Variants in IL1RAPL2 observed in about 807,000 individuals in gnomAD.
IL1RAPL2 encodes the protein interleukin 1 receptor accessory protein like 2.
Under a neutral mutation model 44.1 loss-of-function variants are expected in IL1RAPL2, and 3 were observed. The observed-to-expected ratio is 0.07, with a 90% CI of 0.03 to 0.18. The LOEUF is 0.18. Ranked by LOEUF, IL1RAPL2 falls within the 10% of genes least tolerant of loss-of-function variation. IL1RAPL2 has a pLI of 1.00. For synonymous variants in IL1RAPL2, 181 were observed against 178.8 expected (o/e 1.01, Z -0.10); for missense variants, 391 against 496.4 (o/e 0.79, Z 2.02).
chrX:104,851,768 G>C (rs1165486225), intron 2 of IL1RAPL2, among the ~76,000 whole-genome samples: 3 of 111,469 alleles, frequency 2.7e-5, no homozygotes, highest in African/African-American at 9.8e-5. Context: ...CTGCAGGCTG[G>C]CTTCTGTTGA....
At chrX:104,586,982 T>G (rs906217714) in intron 1 of IL1RAPL2, among the ~76,000 whole-genome samples, 14 of 111,267 alleles carry the variant, frequency 1.3e-4, no homozygotes, top group African/African-American at 4.6e-4. Context: ...CTGAACCCAG[T>G]GAAGGGAAGG....
intron 5 of IL1RAPL2, among the ~76,000 whole-genome samples, chrX:105,439,443 C>A (rs1308990709): frequency 3.2e-5 from 3 of 94,215 alleles, no homozygotes; most frequent in African/African-American, 1.3e-4. Context: ...TACTATGATT[C>A]TTGTTAATCC....
intron 2 of IL1RAPL2, among the ~76,000 whole-genome samples, chrX:104,785,157 G>A (rs1464930362): frequency 9.1e-6 from 1 of 109,375 alleles, no homozygotes. Flanking sequence ...GACCACAGGC[G>A]TGCACTACCA....
chrX:105,162,882 G>T (rs1291520226), intron 2 of IL1RAPL2, among the ~76,000 whole-genome samples: 2 of 111,457 alleles, frequency 1.8e-5, no homozygotes, highest in Non-Finnish European at 3.8e-5. Flanking sequence ...GTCCTCATGT[G>T]GTAGAAGGAA....
Position 104,619,377 on chromosome X carries a change from G to C in IL1RAPL2, c.-19-39518G>C, listed in dbSNP as rs1222620268. Among the ~76,000 whole-genome samples the C allele has an allele frequency of 4.5e-5, 5 of 112,236 alleles. No individual in the cohort carries two copies. The East Asian group carries it at 1.4e-3, about 31-fold the overall frequency. On this transcript the variant is annotated intron_variant, in intron 1 of 10. Transcript: ENST00000372582. Reference sequence around the variant, plus strand: ...ACCTCCAGGTCTTGGGAGAAACAAAGTGTTCTCCCTTGGTCTTGGTTGCTC... The same window carrying C: ...ACCTCCAGGTCTTGGGAGAAACAAACTGTTCTCCCTTGGTCTTGGTTGCTC...
At chrX:105,308,807 G>T (rs2034772277) in intron 5 of IL1RAPL2, among the ~76,000 whole-genome samples, 1 of 111,493 alleles carries the variant, frequency 9.0e-6, no homozygotes, top group African/African-American at 3.3e-5. Flanking sequence ...TAAATACCAA[G>T]ACATTGAATT....
chrX:104,907,130 T>G (rs2147679131), intron 2 of IL1RAPL2, among the ~76,000 whole-genome samples: 1 of 111,561 alleles, frequency 9.0e-6, no homozygotes, highest in African/African-American at 3.3e-5. Flanking sequence ...TTTGTATTTC[T>G]GTGGGATCAG....
intron 2 of IL1RAPL2, among the ~76,000 whole-genome samples, chrX:104,809,965 A>G (rs868477432): frequency 5.4e-5 from 6 of 111,138 alleles, no homozygotes; most frequent in Admixed American, 9.6e-5. Context: ...ACATGCACAC[A>G]TATGTTTATT....
At chrX:105,035,117 C>A (rs1258591813) in intron 2 of IL1RAPL2, among the ~76,000 whole-genome samples, 2 of 111,410 alleles carry the variant, frequency 1.8e-5, no homozygotes, top group African/African-American at 6.5e-5. Flanking sequence ...GTGGGAGTGA[C>A]CCAATTTTCC....
At chrX:105,115,111 G>A (rs2032840309) in intron 2 of IL1RAPL2, among the ~76,000 whole-genome samples, 1 of 111,239 alleles carries the variant, frequency 9.0e-6, no homozygotes, top group Admixed American at 9.5e-5. Context: ...GTTCTTAAAG[G>A]TGGTGTGTCT....
chrX:105,078,347 G>A (rs956746523), intron 2 of IL1RAPL2, among the ~76,000 whole-genome samples: 1 of 111,376 alleles, frequency 9.0e-6, no homozygotes, highest in African/African-American at 3.3e-5. Flanking sequence ...GCAGAACAGC[G>A]GGTATTGGTG....
intron 2 of IL1RAPL2, among the ~76,000 whole-genome samples, chrX:105,026,257 A>G (rs1338287139): frequency 9.0e-6 from 1 of 110,549 alleles, no homozygotes; most frequent in African/African-American, 3.3e-5. Context: ...AAGTGTTTTG[A>G]ATTTTGGATT....
intron 6 of IL1RAPL2, among the ~76,000 whole-genome samples, chrX:105,672,718 A>T (rs1311829672): frequency 1.8e-5 from 2 of 112,407 alleles, no homozygotes; most frequent in East Asian, 5.6e-4. Context: ...CAGCATCCTA[A>T]GAGTGAATGT....
chrX:104,890,000 C>A (rs1923374137), intron 2 of IL1RAPL2, among the ~76,000 whole-genome samples: 1 of 110,684 alleles, frequency 9.0e-6, no homozygotes. Flanking sequence ...CTTCCTGTGT[C>A]CAAGTGTTCT....
intron 6 of IL1RAPL2, among the ~76,000 whole-genome samples, chrX:105,629,630 C>T (rs1161384698): frequency 1.8e-5 from 2 of 111,451 alleles, no homozygotes; most frequent in Non-Finnish European, 3.8e-5. Flanking sequence ...ACATTTCATT[C>T]ACTGAGCATG....
intron 6 of IL1RAPL2, among the ~76,000 whole-genome samples, chrX:105,680,842 C>T (rs767476346): frequency 8.9e-6 from 1 of 111,869 alleles, no homozygotes; most frequent in Non-Finnish European, 1.9e-5. Context: ...TAACAAGAGA[C>T]AAGCATGACA....
chrX:105,608,721 G>A (rs751912191), intron 6 of IL1RAPL2, among the ~76,000 whole-genome samples: 2 of 111,969 alleles, frequency 1.8e-5, no homozygotes, highest in African/African-American at 3.2e-5. Context: ...GATATCTGTT[G>A]TTTCCCACTT....
chrX:105,675,768 C>A (rs370063918), intron 6 of IL1RAPL2, among the ~76,000 whole-genome samples: 4 of 111,284 alleles, frequency 3.6e-5, no homozygotes, highest in South Asian at 7.6e-4. Flanking sequence ...TGGTAGAATT[C>A]AGTTGTAAAT....
At chrX:105,106,760 C>T (rs925740102) in intron 2 of IL1RAPL2, among the ~76,000 whole-genome samples, 25 of 111,762 alleles carry the variant, frequency 2.2e-4, no homozygotes, top group African/African-American at 7.8e-4. Flanking sequence ...GGGATTACAC[C>T]AATAAAAGGC....
Sources: gnomAD v4.1 joint callset for allele counts (sites outside exome capture counted in the v4.1 genomes callset) on GRCh38, gnomAD v4.1.1 for gene constraint, MANE v1.5 for transcripts, NCBI Gene and HGNC (gene_info 2026-07-23, HGNC 2026-07-21) for gene names.